The following ABI1 variants were observed in gnomAD, a reference collection of about 807,000 sequenced individuals.
ABI1 encodes the protein abl interactor 1, also known as Abelson interactor 1.
ABI1 carries 14 observed loss-of-function variants against 54.6 expected under a neutral mutation model. The observed-to-expected ratio is 0.26, with a 90% CI of 0.17 to 0.40. The LOEUF (loss-of-function observed/expected upper bound fraction) is 0.40. Among genes scored for constraint, ABI1 ranks in the 10% least tolerant of loss-of-function variants. The pLI, the probability that ABI1 is intolerant of heterozygous loss-of-function variation, is 1.00. For missense variants in ABI1, 443 were observed against 598.3 expected, an observed-to-expected ratio of 0.74 and a Z score of 2.71; for synonymous variants, 194 against 209.3, an observed-to-expected ratio of 0.93 and a Z score of 0.63.
intron 1 of ABI1, among the ~76,000 whole-genome samples, chr10:26,836,930 G>A (rs1452390278): frequency 1.3e-5 from 2 of 152,136 alleles, no homozygotes; most frequent in Non-Finnish European, 2.9e-5. Context: ...GAACCAGAAA[G>A]TAACAATTTA....
intron 1 of ABI1, among the ~76,000 whole-genome samples, chr10:26,858,529 C>CAAA (rs1366626506): frequency 1.7e-4 from 8 of 46,624 alleles, no homozygotes; most frequent in East Asian, 6.1e-4. Flanking sequence ...CCCGCCCCCA[C>CAAA]AAAAAAAGAA....
chr10:26,839,050 C>T (rs1470858600), intron 1 of ABI1, among the ~76,000 whole-genome samples: 1 of 152,166 alleles, frequency 6.6e-6, no homozygotes, highest in African/African-American at 2.4e-5. Flanking sequence ...AGTAAATGTT[C>T]TCAGGATAAC....
At chr10:26,806,678 AG>A (rs1335741453) in intron 2 of ABI1, among the ~76,000 whole-genome samples, 2 of 152,228 alleles carry the variant, frequency 1.3e-5, no homozygotes, top group East Asian at 3.8e-4. Flanking sequence ...TATTTAAGAT[AG>A]TTAGAATGGT....
intron 3 of ABI1, among the ~76,000 whole-genome samples, chr10:26,774,631 G>A (rs12413383): frequency 0.23 from 35,157 of 151,648 alleles, 4,629 homozygotes; most frequent in African/African-American, 0.35. Context: ...AACATGTACC[G>A]TTTATTTCAT....
rs1426791262 is a variant in ABI1, at chr10:26,814,641, TAAG to T, written c.285+8494_285+8496del. 5.9e-5 allele frequency among the ~76,000 whole-genome samples: 9 copies of T among 152,232 alleles called. No homozygotes were observed. The East Asian group carries it at 7.7e-4, about 13-fold the overall frequency. On this transcript the variant is annotated intron_variant, in intron 2 of 10. Transcript: ENST00000376140. ...AAGAATCTTTTAAAAATTTACAAAA[TAAG>T]AAGTGAATATTGGTTACAGAAAGGA...
At chr10:26,853,453 T>C (rs12357198) in intron 1 of ABI1, among the ~76,000 whole-genome samples, 9,297 of 151,586 alleles carry the variant, frequency 0.061, 421 homozygotes, top group East Asian at 0.19. Context: ...AAGATGATAT[T>C]AGGAAAAATA....
At chr10:26,794,322 G>A (rs1346045631) in intron 2 of ABI1, among the ~76,000 whole-genome samples, 1 of 151,954 alleles carries the variant, frequency 6.6e-6, no homozygotes, top group African/African-American at 2.4e-5. Flanking sequence ...CAGGAGGCAG[G>A]AGAATTGCTT....
intron 2 of ABI1, among the ~76,000 whole-genome samples, chr10:26,781,091 G>C (rs775995751): frequency 6.6e-6 from 1 of 152,208 alleles, no homozygotes; most frequent in Non-Finnish European, 1.5e-5. Context: ...TTGAGTACAA[G>C]TCTGTGCACA....
At chr10:26,842,228 TC>T (rs2049574254) in intron 1 of ABI1, among the ~76,000 whole-genome samples, 1 of 152,196 alleles carries the variant, frequency 6.6e-6, no homozygotes, top group Non-Finnish European at 1.5e-5. Context: ...CCTTATGTCT[TC>T]TTTGAAAAAA....
chr10:26,822,601 A>C (rs2048052140), intron 2 of ABI1, among the ~76,000 whole-genome samples: 1 of 151,776 alleles, frequency 6.6e-6, no homozygotes, highest in African/African-American at 2.4e-5. Context: ...TGCCAGACCA[A>C]AAAAAAAATT....
intron 1 of ABI1, among the ~76,000 whole-genome samples, chr10:26,844,386 A>G (rs964663449): frequency 5.9e-5 from 9 of 152,198 alleles, no homozygotes; most frequent in Non-Finnish European, 2.9e-5. Flanking sequence ...TGAAATTTAT[A>G]AAGACTACAC....
At chr10:26,835,593 T>C (rs920166126) in intron 1 of ABI1, among the ~76,000 whole-genome samples, 2 of 147,406 alleles carry the variant, frequency 1.4e-5, no homozygotes, top group Non-Finnish European at 3.0e-5. Context: ...AAAAAAAAAA[T>C]TATTCTATAC....
intron 2 of ABI1, among the ~76,000 whole-genome samples, chr10:26,800,567 T>C (rs1376398044): frequency 6.6e-6 from 1 of 151,290 alleles, no homozygotes; most frequent in African/African-American, 2.4e-5. Context: ...GGTTGAACCC[T>C]CCAGTTTGAG....
chr10:26,836,132 A>G (rs1238426206), intron 1 of ABI1, among the ~76,000 whole-genome samples: 3 of 151,654 alleles, frequency 2.0e-5, no homozygotes, highest in Non-Finnish European at 4.4e-5. Flanking sequence ...TGTTTTTTTG[A>G]GACACAGTCT....
chr10:26,804,736 T>A (rs891419118), intron 2 of ABI1, among the ~76,000 whole-genome samples: 31 of 151,846 alleles, frequency 2.0e-4, no homozygotes, highest in African/African-American at 6.8e-4. Flanking sequence ...CTCAAAAAGG[T>A]AGGTAGGAAA....
intron 2 of ABI1, among the ~76,000 whole-genome samples, chr10:26,796,610 G>A (rs1429096617): frequency 6.6e-6 from 1 of 152,182 alleles, no homozygotes; most frequent in East Asian, 1.9e-4. Context: ...TTGTCATTAA[G>A]CAAGCATGAC....
chr10:26,834,026 T>C (rs577882993), intron 1 of ABI1, among the ~76,000 whole-genome samples: 2 of 152,156 alleles, frequency 1.3e-5, no homozygotes, highest in Admixed American at 1.3e-4. Context: ...GTCAGGAGTT[T>C]TGAGACCAGC....
chr10:26,860,158 A>AT lies in ABI1; in HGVS notation c.117+588dup, dbSNP rs543556086. Among the ~76,000 whole-genome samples, 1 of 151,792 alleles carries AT rather than the reference A, an allele frequency of 6.6e-6. No homozygotes were observed. The highest frequency in any genetic ancestry group is 1.5e-5 in the Non-Finnish European group (1 of 67,936). ...GTCGGTGTAATGTGACTCATGACAA[A>AT]TTTTTTTTAAATAAATAAATAAATA... On this transcript the variant is annotated intron_variant, in intron 1 of 10. Transcript: ENST00000376140. The surrounding 1 kb of genome is among the most constrained non-coding windows in gnomAD (Gnocchi z 4.1).
intron 4 of ABI1, 120 bp from the exon 5 acceptor site, chr10:26,770,465 A>G (rs1049019981): frequency 2.9e-6 from 3 of 1,041,056 alleles, no homozygotes; most frequent in Non-Finnish European, 4.5e-6. Flanking sequence ...GACAGTTTGA[A>G]TAAAGACTTT....
Sources: allele counts gnomAD v4.1 joint callset (sites outside exome capture counted in the v4.1 genomes callset), GRCh38; gene constraint gnomAD v4.1.1; non-coding constraint Gnocchi (gnomAD v3.1); transcripts MANE v1.5; gene names NCBI Gene and HGNC (gene_info 2026-07-23, HGNC 2026-07-21).